Variants in ARSJ observed in about 807,000 individuals in gnomAD.
The protein encoded by ARSJ is arylsulfatase family member J.
A neutral mutation model predicts 35.9 loss-of-function variants in ARSJ; 26 were observed. That is an observed-to-expected ratio of 0.72 (90% CI 0.53 to 1.00). ARSJ has a LOEUF of 1.00. Among genes scored for constraint, ARSJ ranks in the 50% least tolerant of loss-of-function variants. The probability of loss-of-function intolerance (pLI) is 0.00; values close to 1 mark genes in which losing one functional copy is unlikely to be tolerated. For missense variants in ARSJ, 667 were observed against 723.6 expected (o/e 0.92, Z 0.90); for synonymous variants, 294 against 267.6 (o/e 1.10, Z -0.96).
intron 1 of ARSJ, among the ~76,000 whole-genome samples, chr4:113,911,598 A>G (rs2099670470): frequency 1.3e-5 from 2 of 152,062 alleles, no homozygotes; most frequent in Non-Finnish European, 2.9e-5. Flanking sequence ...AGTGTGGGAG[A>G]AGGAAATGTT....
chr4:113,952,691 C>T (rs146075997), intron 1 of ARSJ, among the ~76,000 whole-genome samples: 44 of 152,052 alleles, frequency 2.9e-4, no homozygotes, highest in African/African-American at 1.1e-3. Flanking sequence ...GTTAGAAGGA[C>T]CAAGAGAACG....
rs2099667216 is a variant in ARSJ, at chr4:113,901,956, T to C, written c.*318A>G. The C allele has an allele frequency of 6.0e-5, 28 of 468,490 alleles. No individual in the cohort carries two copies. In the South Asian group the frequency reaches 6.1e-4, roughly 10 times the overall value. 29.0% of individuals were successfully genotyped at this position (468,490 alleles called of 1,614,324 possible). A position where few individuals can be genotyped will look rare whatever the true frequency, so the allele number is the denominator to read the frequency against. On this transcript the variant is annotated 3_prime_UTR_variant, in exon 2 of 2. Transcript: ENST00000315366. ...GGATGGTAGGTTATTGTTCTCCTCCTATAATTCAAAGCAGTGTTTGGTCAG... is the reference window on the plus strand; with the variant it reads ...GGATGGTAGGTTATTGTTCTCCTCCCATAATTCAAAGCAGTGTTTGGTCAG...
intron 1 of ARSJ, among the ~76,000 whole-genome samples, chr4:113,950,903 C>T (rs185714041): frequency 6.6e-6 from 1 of 152,128 alleles, no homozygotes; most frequent in East Asian, 1.9e-4. Context: ...GGTATACTGA[C>T]GTGGTGTCCT....
At chr4:113,937,973 G>A (rs1383725087) in intron 1 of ARSJ, among the ~76,000 whole-genome samples, 1 of 151,818 alleles carries the variant, frequency 6.6e-6, no homozygotes, top group Non-Finnish European at 1.5e-5. Context: ...AAAGTAATTT[G>A]CAGATTCAAT....
At chr4:113,961,110 G>T (rs1029885912) in intron 1 of ARSJ, among the ~76,000 whole-genome samples, 1 of 151,986 alleles carries the variant, frequency 6.6e-6, no homozygotes, top group Non-Finnish European at 1.5e-5. Context: ...CTACAGTGCA[G>T]ATCCTGAGCA....
intron 1 of ARSJ, chr4:113,906,649 T>C (rs958331368): frequency 2.3e-6 from 1 of 444,324 alleles, no homozygotes; most frequent in Admixed American, 2.4e-5. Context: ...GGTGTAGGTT[T>C]TGGAATCAAA....
chr4:113,905,604 C>G (rs1239913957), intron 1 of ARSJ, among the ~76,000 whole-genome samples: 2 of 142,294 alleles, frequency 1.4e-5, no homozygotes, highest in Non-Finnish European at 3.0e-5. Flanking sequence ...AAGAAATAAT[C>G]TTTTCATAAA....
chr4:113,929,064 G>C (rs1040520498), intron 1 of ARSJ, among the ~76,000 whole-genome samples: 2 of 152,106 alleles, frequency 1.3e-5, no homozygotes, highest in African/African-American at 4.8e-5. Flanking sequence ...TCCCTACTTA[G>C]TGGGCCCAAA....
chr4:113,942,697 C>T lies in ARSJ; in HGVS notation c.398+35740G>A, dbSNP rs115219396. 3.0e-3 allele frequency among the ~76,000 whole-genome samples: 450 copies of T among 152,066 alleles called. 1 individual carries two copies. Among genetic ancestry groups the T allele is most frequent in the Middle Eastern group, 6.8e-3 (2 of 294 alleles). On this transcript the variant is annotated intron_variant, in intron 1 of 1. Coordinates refer to ENST00000315366, the MANE Select transcript of ARSJ (RefSeq NM_024590.4). Reference sequence around the variant, plus strand: ...CAGATTTCCTTTTTAACTTGGCATACGCACAACAAACAGTTCTGCTAGAAT... The same window carrying T: ...CAGATTTCCTTTTTAACTTGGCATATGCACAACAAACAGTTCTGCTAGAAT...
At chr4:113,909,966 T>C (rs1348385975) in intron 1 of ARSJ, among the ~76,000 whole-genome samples, 3 of 152,330 alleles carry the variant, frequency 2.0e-5, no homozygotes, top group South Asian at 4.1e-4. Flanking sequence ...TTTATTTGTA[T>C]AATATGAAAT....
intron 1 of ARSJ, among the ~76,000 whole-genome samples, chr4:113,912,960 C>A (rs1723025147): frequency 6.6e-6 from 1 of 152,018 alleles, no homozygotes; most frequent in Non-Finnish European, 1.5e-5. Flanking sequence ...ATCAAGGCAA[C>A]TAATTAATTT....
intron 1 of ARSJ, among the ~76,000 whole-genome samples, chr4:113,947,628 AAAGG>A (rs564777232): frequency 2.0e-5 from 3 of 150,628 alleles, no homozygotes; most frequent in Non-Finnish European, 4.4e-5. Flanking sequence ...GAAGGAAGGG[AAAGG>A]AAGGAAGGAA....
chr4:113,949,846 A>G (rs1243879094), intron 1 of ARSJ, among the ~76,000 whole-genome samples: 1 of 152,160 alleles, frequency 6.6e-6, no homozygotes, highest in African/African-American at 2.4e-5. Flanking sequence ...CACTCCAAGT[A>G]TATTTTGTTA....
intron 1 of ARSJ, among the ~76,000 whole-genome samples, chr4:113,917,371 T>C (rs1723376385): frequency 6.6e-6 from 1 of 152,176 alleles, no homozygotes; most frequent in Non-Finnish European, 1.5e-5. Flanking sequence ...CAAAATGTTG[T>C]TTTAGCTGTC....
chr4:113,968,715 G>A (rs1018607342), intron 1 of ARSJ, among the ~76,000 whole-genome samples: 1 of 152,316 alleles, frequency 6.6e-6, no homozygotes, highest in East Asian at 1.9e-4. Context: ...GATTTTGAAG[G>A]CCCTTATATG....
intron 1 of ARSJ, among the ~76,000 whole-genome samples, chr4:113,963,470 G>T (rs6533736): frequency 0.99 from 150,120 of 152,060 alleles, 74,130 homozygotes; most frequent in East Asian, 1. Flanking sequence ...TATAAAACCA[G>T]CAGATCTTGT....
intron 1 of ARSJ, among the ~76,000 whole-genome samples, chr4:113,912,014 AAAGTT>A (rs1722941470): frequency 6.6e-6 from 1 of 152,212 alleles, no homozygotes; most frequent in Admixed American, 6.5e-5. Flanking sequence ...CACCTGCATT[AAAGTT>A]AAGATGATAG....
chr4:113,907,235 T>A (rs1403635897), intron 1 of ARSJ, among the ~76,000 whole-genome samples: 3 of 152,264 alleles, frequency 2.0e-5, no homozygotes, highest in African/African-American at 7.2e-5. Flanking sequence ...GTGAGACTTA[T>A]GTTGATCCCA....
intron 1 of ARSJ, among the ~76,000 whole-genome samples, chr4:113,912,017 G>T (rs1722941664): frequency 6.6e-6 from 1 of 152,186 alleles, no homozygotes; most frequent in African/African-American, 2.4e-5. Flanking sequence ...CTGCATTAAA[G>T]TTAAGATGAT....
Sources: allele counts gnomAD v4.1 joint callset (sites outside exome capture counted in the v4.1 genomes callset), GRCh38; gene constraint gnomAD v4.1.1; transcripts MANE v1.5; gene names NCBI Gene and HGNC (gene_info 2026-07-23, HGNC 2026-07-21).